Variants in TMC1 observed in about 807,000 individuals in gnomAD.
The protein encoded by TMC1 is transmembrane channel-like protein 1.
TMC1 carries 84 observed loss-of-function variants against 105.8 expected under a neutral mutation model. The ratio of observed to expected loss-of-function variants is 0.79; its 90% confidence interval spans 0.67 to 0.95. The LOEUF (loss-of-function observed/expected upper bound fraction) is 0.95, where lower values mean the gene tolerates loss of function less well. Among genes scored for constraint, TMC1 ranks in the 40% least tolerant of loss-of-function variants. The pLI, the probability that TMC1 is intolerant of heterozygous loss-of-function variation, is 0.00. For missense variants in TMC1, 817 were observed against 914.1 expected (o/e 0.89, Z 1.37); for synonymous variants, 315 against 311.5 (o/e 1.01, Z -0.12).
Position 72,598,079 on chromosome 9 carries a change from G to A in TMC1, c.-305-18289G>A, listed in dbSNP as rs190074797. On this transcript the variant is annotated intron_variant, in intron 2 of 23. Transcript: ENST00000297784. The stretch of plus-strand genomic sequence containing the variant: ...TCCTAGCAGAGCAGATATTGTCAAT[G>A]GAAAATGGAAACAAAACAAAACACA... Among the ~76,000 whole-genome samples, 6 of 152,300 alleles carry A rather than the reference G, an allele frequency of 3.9e-5. No homozygotes were observed. In the East Asian group the frequency reaches 1.2e-3, roughly 29 times the overall value.
chr9:72,702,266 C>A (rs1663740), intron 8 of TMC1, among the ~76,000 whole-genome samples: 34,560 of 151,968 alleles, frequency 0.23, 4,255 homozygotes, highest in East Asian at 0.38. Flanking sequence ...CCTTTCCTTT[C>A]CAACTGCATG....
intron 1 of TMC1, among the ~76,000 whole-genome samples, chr9:72,534,037 G>T (rs1823539204): frequency 1.3e-5 from 2 of 152,220 alleles, no homozygotes; most frequent in African/African-American, 4.8e-5. Flanking sequence ...GGAGGCTGAG[G>T]CAGGAGAATC....
At chr9:72,713,130 G>T (rs1826863616) in intron 8 of TMC1, among the ~76,000 whole-genome samples, 1 of 152,168 alleles carries the variant, frequency 6.6e-6, no homozygotes, top group African/African-American at 2.4e-5. Context: ...AAGCCAGCTT[G>T]ATCATGTTGG....
intron 5 of TMC1, among the ~76,000 whole-genome samples, chr9:72,670,750 AG>A (rs2132168496): frequency 6.6e-6 from 1 of 152,346 alleles, no homozygotes; most frequent in African/African-American, 2.4e-5. Flanking sequence ...ACAATATCTG[AG>A]ATGAAGCATA....
intron 1 of TMC1, among the ~76,000 whole-genome samples, chr9:72,543,630 A>C (rs1437187900): frequency 6.6e-6 from 1 of 152,162 alleles, no homozygotes; most frequent in Non-Finnish European, 1.5e-5. Context: ...TAAAAATACA[A>C]AAATTAGCTG....
chr9:72,791,419 GC>G (rs1351498799), intron 15 of TMC1, among the ~76,000 whole-genome samples: 1 of 152,122 alleles, frequency 6.6e-6, no homozygotes, highest in Non-Finnish European at 1.5e-5. Context: ...TTAGGCCTAG[GC>G]CCATCTCAGG....
At chr9:72,582,457 A>G (rs946074132) in intron 2 of TMC1, among the ~76,000 whole-genome samples, 7 of 152,216 alleles carry the variant, frequency 4.6e-5, no homozygotes, top group African/African-American at 1.7e-4. Context: ...GGCAGCCTGC[A>G]TATTAACTGA....
chr9:72,587,222 G>A (rs1024517736), intron 2 of TMC1, among the ~76,000 whole-genome samples: 51 of 150,514 alleles, frequency 3.4e-4, no homozygotes, highest in African/African-American at 1.2e-3. Context: ...GCAATGGCTT[G>A]ATCTCGACTC....
chr9:72,618,894 C>G (rs1288603579), intron 3 of TMC1, among the ~76,000 whole-genome samples: 1 of 152,108 alleles, frequency 6.6e-6, no homozygotes, highest in Admixed American at 6.5e-5. Context: ...AATGTGTTTT[C>G]TTTTAAAAAA....
chr9:72,721,512 T>A (rs537120156), intron 8 of TMC1, among the ~76,000 whole-genome samples: 2 of 152,250 alleles, frequency 1.3e-5, no homozygotes, highest in Non-Finnish European at 2.9e-5. Flanking sequence ...TGTTTTTCTC[T>A]TGTTAATCTG....
chr9:72,781,401 G>C (rs1210194588), intron 13 of TMC1, among the ~76,000 whole-genome samples: 1 of 151,948 alleles, frequency 6.6e-6, no homozygotes, highest in East Asian at 1.9e-4. Context: ...ATCACATGTA[G>C]AGAAACCAGA....
chr9:72,793,069 C>T (rs540139884), intron 17 of TMC1, among the ~76,000 whole-genome samples: 1 of 152,192 alleles, frequency 6.6e-6, no homozygotes, highest in Non-Finnish European at 1.5e-5. Context: ...CATGAACCCA[C>T]TCCACCTGGG....
intron 17 of TMC1, among the ~76,000 whole-genome samples, chr9:72,800,130 A>G (rs975212923): frequency 5.3e-5 from 8 of 152,162 alleles, no homozygotes; most frequent in African/African-American, 1.9e-4. Flanking sequence ...AAACCACTAC[A>G]TTTATGGCAA....
chr9:72,617,718 CA>C (rs1029327338), intron 3 of TMC1, among the ~76,000 whole-genome samples: 12 of 152,164 alleles, frequency 7.9e-5, no homozygotes, highest in African/African-American at 2.9e-4. Context: ...AGACTGGAAA[CA>C]ACCCAAATGT....
chr9:72,675,169 A>G (rs1826184299), intron 5 of TMC1, among the ~76,000 whole-genome samples: 1 of 152,170 alleles, frequency 6.6e-6, no homozygotes, highest in South Asian at 2.1e-4. Flanking sequence ...GAACAGTTCG[A>G]TGAATGCCTG....
Position 72,706,684 on chromosome 9 carries a change from C to T in TMC1, c.362+6041C>T, listed in dbSNP as rs151197980. Among the ~76,000 whole-genome samples the T allele has an allele frequency of 8.4e-3, 1,285 of 152,300 alleles. 20 individuals are homozygous for T. The highest frequency in any genetic ancestry group is 0.03 in the African/African-American group (1,234 of 41,556). ...TGAGAACATATGATATTTGGTTTTC[C>T]ATTCCTGAATTACTTCACTTAGAAT... On this transcript the variant is annotated intron_variant, in intron 8 of 23. Coordinates refer to ENST00000297784, the MANE Select transcript of TMC1 (RefSeq NM_138691.3).
chr9:72,607,953 A>G (rs912890329), intron 2 of TMC1: 1 of 152,192 alleles, frequency 6.6e-6, no homozygotes, highest in Non-Finnish European at 1.5e-5. Context: ...ACATAAGACT[A>G]CATGATTTGG....
intron 12 of TMC1, among the ~76,000 whole-genome samples, chr9:72,769,621 G>A (rs1004365431): frequency 3.9e-5 from 6 of 152,230 alleles, no homozygotes; most frequent in African/African-American, 7.2e-5. Context: ...GGAAGGGAAC[G>A]TCAAGAGTTG....
intron 5 of TMC1, among the ~76,000 whole-genome samples, chr9:72,676,803 G>A (rs908421646): frequency 2.0e-5 from 3 of 152,210 alleles, no homozygotes; most frequent in African/African-American, 7.2e-5. Context: ...CTCCATGGCC[G>A]TGATCTTGAA....
Sources: gnomAD v4.1 joint callset for allele counts (sites outside exome capture counted in the v4.1 genomes callset) on GRCh38, gnomAD v4.1.1 for gene constraint, MANE v1.5 for transcripts, NCBI Gene and HGNC (gene_info 2026-07-23, HGNC 2026-07-21) for gene names.